Variants in THSD7B observed in about 807,000 individuals in gnomAD.
THSD7B encodes the protein thrombospondin type-1 domain-containing protein 7B.
Under a neutral mutation model 213.6 loss-of-function variants are expected in THSD7B, and 138 were observed. That is an observed-to-expected ratio of 0.65 (90% CI 0.56 to 0.74). THSD7B has a LOEUF of 0.74. Among genes scored for constraint, THSD7B ranks in the 30% least tolerant of loss-of-function variants. The pLI, the probability that THSD7B is intolerant of heterozygous loss-of-function variation, is 0.00. For missense variants in THSD7B, 1,931 were observed against 1,991.5 expected, an observed-to-expected ratio of 0.97 and a Z score of 0.58; for synonymous variants, 742 against 687.0, an observed-to-expected ratio of 1.08 and a Z score of -1.25.
chr2:137,038,650 G>T (rs991142670), intron 2 of THSD7B, among the ~76,000 whole-genome samples: 3 of 152,214 alleles, frequency 2.0e-5, no homozygotes, highest in African/African-American at 7.2e-5. Flanking sequence ...AGGCAAGGCA[G>T]ATTAAATGGG....
intron 6 of THSD7B, among the ~76,000 whole-genome samples, chr2:137,162,120 G>T (rs1680031022): frequency 6.6e-6 from 1 of 152,172 alleles, no homozygotes; most frequent in Non-Finnish European, 1.5e-5. Flanking sequence ...AGAAGAGACT[G>T]GTTTGAGCTC....
intron 9 of THSD7B, among the ~76,000 whole-genome samples, chr2:137,238,206 C>T (rs920641859): frequency 1.3e-5 from 2 of 152,100 alleles, no homozygotes; most frequent in African/African-American, 4.8e-5. Context: ...CTATAGAAAG[C>T]TTGAAGTGTT....
In THSD7B at chr2:137,503,107, G is replaced by A. The variant is rs568129641; in HGVS notation, c.3138+52084G>A. On this transcript the variant is annotated intron_variant, in intron 15 of 27. Transcript: ENST00000409968. ...TGTACAGAGTATCATGCATCCAAAT[G>A]GACTATATATTATAATCTGTAAGCA... is the stretch of plus-strand genomic sequence containing the variant. 1.3e-4 allele frequency among the ~76,000 whole-genome samples: 20 copies of A among 152,118 alleles called. No homozygotes were observed. In the South Asian group the frequency reaches 3.1e-3, roughly 24 times the overall value.
intron 17 of THSD7B, among the ~76,000 whole-genome samples, chr2:137,614,566 G>A (rs1682348299): frequency 1.3e-5 from 2 of 151,886 alleles, no homozygotes; most frequent in Non-Finnish European, 2.9e-5. Flanking sequence ...TTATTATTCT[G>A]CCACATGAAA....
At chr2:136,923,874 T>A (rs566224629) in intron 2 of THSD7B, among the ~76,000 whole-genome samples, 1 of 152,288 alleles carries the variant, frequency 6.6e-6, no homozygotes, top group African/African-American at 2.4e-5. Context: ...GATATATGAT[T>A]GGCACATATT....
intron 2 of THSD7B, among the ~76,000 whole-genome samples, chr2:136,972,113 A>T (rs1685415317): frequency 6.6e-6 from 1 of 151,704 alleles, no homozygotes; most frequent in African/African-American, 2.4e-5. Context: ...TACACCTGCA[A>T]CCAATCACTG....
intron 5 of THSD7B, among the ~76,000 whole-genome samples, chr2:137,153,711 A>G (rs1474568546): frequency 6.6e-6 from 1 of 152,080 alleles, no homozygotes; most frequent in Non-Finnish European, 1.5e-5. Context: ...TTCCCCTTCC[A>G]CCATTTGACT....
At chr2:137,666,187 CTG>C (rs2104825862) in intron 26 of THSD7B, among the ~76,000 whole-genome samples, 1 of 152,096 alleles carries the variant, frequency 6.6e-6, no homozygotes, top group African/African-American at 2.4e-5. Context: ...TACCTCTAAA[CTG>C]AGTATTTAAA....
intron 2 of THSD7B, among the ~76,000 whole-genome samples, chr2:137,020,898 T>C (rs900818861): frequency 1.3e-5 from 2 of 152,204 alleles, no homozygotes; most frequent in East Asian, 3.9e-4. Flanking sequence ...TTCACACTCA[T>C]TTTATTTTAA....
intron 10 of THSD7B, among the ~76,000 whole-genome samples, chr2:137,243,507 T>C (rs1296366847): frequency 6.6e-6 from 1 of 152,244 alleles, no homozygotes; most frequent in Admixed American, 6.5e-5. Flanking sequence ...GCTCTCTTGC[T>C]GCACCAGCCT....
chr2:137,361,749 A>G (rs1255522595), intron 12 of THSD7B, among the ~76,000 whole-genome samples: 2 of 152,314 alleles, frequency 1.3e-5, no homozygotes, highest in East Asian at 1.9e-4. Flanking sequence ...GACCAAATCT[A>G]CGTTTGATTG....
intron 2 of THSD7B, among the ~76,000 whole-genome samples, chr2:136,910,728 T>C (rs1221579685): frequency 6.6e-6 from 1 of 152,174 alleles, no homozygotes; most frequent in Non-Finnish European, 1.5e-5. Flanking sequence ...GCTACTACTT[T>C]GCTGGTTTTG....
intron 12 of THSD7B, among the ~76,000 whole-genome samples, chr2:137,297,238 C>G (rs62171141): frequency 8.1e-5 from 12 of 147,792 alleles, no homozygotes; most frequent in African/African-American, 3.0e-4. Flanking sequence ...GAGATATGAT[C>G]GCACCACTAT....
rs56719114 is a variant in THSD7B at position 136,802,639 on chromosome 2, T to TTATATATATATATATATA, written c.-36+36978_-36+36995dup. 2.8e-4 allele frequency among the ~76,000 whole-genome samples: 16 copies of TTATATATATATATATATA among 57,378 alleles called. 1 individual carries two copies. The highest frequency in any genetic ancestry group is 7.0e-4 in the East Asian group (1 of 1,420). The allele number at this position is 57,378 out of a possible 152,430, so 37.6% of individuals were successfully genotyped here. ...TTTAAAAATAATTTATGAATTAAGTTTATATATATATATATATATATATAT... is the reference window on the plus strand; with the variant it reads ...TTTAAAAATAATTTATGAATTAAGTTTATATATATATATATATATATATATATATATATATATATATAT... On this transcript the variant is annotated intron_variant, in intron 1 of 27. Coordinates refer to ENST00000409968, the MANE Select transcript of THSD7B (RefSeq NM_001316349.2).
Position 137,570,632 on chromosome 2 carries a change from G to A in THSD7B, c.3273-1774G>A, listed in dbSNP as rs62168017. On this transcript the variant is annotated intron_variant, in intron 16 of 27. Transcript: ENST00000409968. ...TAGGGAGCACCAAAAGCTCTTTAGCGTATTGTTATTAAAGTGCTTATTTCT... is the reference window on the plus strand; with the variant it reads ...TAGGGAGCACCAAAAGCTCTTTAGCATATTGTTATTAAAGTGCTTATTTCT... Among the ~76,000 whole-genome samples, 12 of 152,170 alleles carry A rather than the reference G, an allele frequency of 7.9e-5. 1 individual carries two copies. In the South Asian group the frequency reaches 1.5e-3, roughly 18 times the overall value.
intron 12 of THSD7B, among the ~76,000 whole-genome samples, chr2:137,382,919 G>T (rs1573996071): frequency 6.6e-6 from 1 of 152,150 alleles, no homozygotes; most frequent in South Asian, 2.1e-4. Flanking sequence ...CTGGACTTCT[G>T]TTGAAGTCCA....
intron 2 of THSD7B, among the ~76,000 whole-genome samples, chr2:137,039,588 A>G (rs541148998): frequency 1.3e-5 from 2 of 152,338 alleles, no homozygotes; most frequent in Admixed American, 1.3e-4. Flanking sequence ...AATTCCTCCC[A>G]CATGGACTTG....
At chr2:137,445,097 G>A (rs1244602313) in intron 14 of THSD7B, among the ~76,000 whole-genome samples, 1 of 151,706 alleles carries the variant, frequency 6.6e-6, no homozygotes, top group Admixed American at 6.6e-5. Context: ...TATCAAAAAG[G>A]TAGAAACTAA....
At chr2:137,499,866 C>G (rs1679660218) in intron 15 of THSD7B, among the ~76,000 whole-genome samples, 1 of 152,094 alleles carries the variant, frequency 6.6e-6, no homozygotes, top group Non-Finnish European at 1.5e-5. Flanking sequence ...AAACACATCT[C>G]ATGAGGGCAG....
Sources: allele counts gnomAD v4.1 joint callset (sites outside exome capture counted in the v4.1 genomes callset), GRCh38; gene constraint gnomAD v4.1.1; transcripts MANE v1.5; gene names NCBI Gene and HGNC (gene_info 2026-07-23, HGNC 2026-07-21).